The following TRHDE variants were observed in gnomAD, a reference collection of about 807,000 sequenced individuals.
TRHDE encodes the protein thyrotropin-releasing hormone-degrading ectoenzyme.
A neutral mutation model predicts 125.7 loss-of-function variants in TRHDE; 72 were observed. The ratio of observed to expected loss-of-function variants is 0.57; its 90% CI spans 0.47 to 0.70. The LOEUF (loss-of-function observed/expected upper bound fraction) is 0.70, where lower values mean the gene tolerates loss of function less well. Ranked by LOEUF, TRHDE falls within the 30% of genes least tolerant of loss-of-function variation. The pLI, the probability that TRHDE is intolerant of heterozygous loss-of-function variation, is 0.00. For missense variants in TRHDE, 1,110 were observed against 1,327.1 expected (o/e 0.84, Z 2.54); for synonymous variants, 509 against 509.1 (o/e 1.00, Z 0.00).
At chr12:72,318,137 A>AG (rs894079804) in intron 2 of TRHDE, among the ~76,000 whole-genome samples, 1 of 152,172 alleles carries the variant, frequency 6.6e-6, no homozygotes, top group African/African-American at 2.4e-5. Context: ...TGCTTCAATG[A>AG]GGGAAAAATA....
chr12:72,270,430 G>A (rs1268584564), upstream of TRHDE, among the ~76,000 whole-genome samples: 1 of 151,320 alleles, frequency 6.6e-6, no homozygotes, highest in Non-Finnish European at 1.5e-5. Context: ...GTTTTTAGTG[G>A]TTATCAAGCT....
intron 2 of TRHDE, among the ~76,000 whole-genome samples, chr12:72,361,060 A>G (rs1019067846): frequency 6.6e-6 from 1 of 151,768 alleles, no homozygotes; most frequent in Non-Finnish European, 1.5e-5. Context: ...GCTCCCACTT[A>G]TAAGTGAGAA....
intron 2 of TRHDE, among the ~76,000 whole-genome samples, chr12:72,331,241 ATG>A (rs984011762): frequency 6.6e-6 from 1 of 152,214 alleles, no homozygotes; most frequent in Non-Finnish European, 1.5e-5. Flanking sequence ...CGGGATTTGA[ATG>A]TAAGTGTTGA....
chr12:72,324,841 A>G (rs978362524), intron 2 of TRHDE, among the ~76,000 whole-genome samples: 1 of 152,154 alleles, frequency 6.6e-6, no homozygotes, highest in African/African-American at 2.4e-5. Flanking sequence ...GTATGATTTT[A>G]TAGAACTCCT....
chr12:72,379,151 G>T (rs371052952), intron 3 of TRHDE, among the ~76,000 whole-genome samples: 1 of 152,270 alleles, frequency 6.6e-6, no homozygotes, highest in South Asian at 2.1e-4. Flanking sequence ...GAACCAGGCC[G>T]CTTTCATTAA....
At chr12:72,534,032 T>A (rs1868718915) in intron 6 of TRHDE, among the ~76,000 whole-genome samples, 1 of 152,014 alleles carries the variant, frequency 6.6e-6, no homozygotes, top group Admixed American at 6.6e-5. Context: ...AGTACCTGGG[T>A]ATAGGCTGCA....
intron 3 of TRHDE, among the ~76,000 whole-genome samples, chr12:72,391,784 C>A (rs1872620087): frequency 6.6e-6 from 1 of 152,062 alleles, no homozygotes; most frequent in Admixed American, 6.6e-5. Flanking sequence ...AGCCAAACTT[C>A]TCTAGTGGAC....
intron 7 of TRHDE, among the ~76,000 whole-genome samples, chr12:72,545,918 C>A (rs772134738): frequency 2.6e-5 from 4 of 151,482 alleles, no homozygotes; most frequent in Non-Finnish European, 5.9e-5. Context: ...CTCTTGAAAT[C>A]TGGTGAAACC....
chr12:72,448,750 A>T (rs1875425747), intron 3 of TRHDE, among the ~76,000 whole-genome samples: 1 of 151,878 alleles, frequency 6.6e-6, no homozygotes, highest in African/African-American at 2.4e-5. Context: ...CAATTTAGGA[A>T]AAAAAAATGA....
intron 2 of TRHDE, among the ~76,000 whole-genome samples, chr12:72,211,288 G>A (rs1447760118): frequency 1.3e-5 from 2 of 152,138 alleles, no homozygotes; most frequent in African/African-American, 4.8e-5. Flanking sequence ...TGAGGATGAA[G>A]GGCTTCATAG....
At chr12:72,146,214 G>A (rs76553028) in intron 2 of TRHDE, among the ~76,000 whole-genome samples, 5,195 of 152,188 alleles carry the variant, frequency 0.034, 146 homozygotes, top group African/African-American at 0.082. Flanking sequence ...TAAATTCTTT[G>A]TCTTGTTTAA....
At chr12:72,513,560 G>C (rs1303750000) in intron 6 of TRHDE, among the ~76,000 whole-genome samples, 1 of 152,032 alleles carries the variant, frequency 6.6e-6, no homozygotes, top group Non-Finnish European at 1.5e-5. Context: ...TATTTCCTAG[G>C]AGAACCAAAA....
chr12:72,184,352 T>C (rs1016927111), intron 2 of TRHDE, among the ~76,000 whole-genome samples: 1 of 152,098 alleles, frequency 6.6e-6, no homozygotes, highest in East Asian at 1.9e-4. Context: ...AGCAAGATGA[T>C]TACAGAGAAG....
At chr12:72,307,964 G>T (rs1028851694) in intron 2 of TRHDE, among the ~76,000 whole-genome samples, 1 of 152,122 alleles carries the variant, frequency 6.6e-6, no homozygotes, top group Non-Finnish European at 1.5e-5. Context: ...GTTAAGGTAG[G>T]ATTTTTTTTT....
intron 18 of TRHDE, among the ~76,000 whole-genome samples, 165 bp downstream of exon 18, chr12:72,657,173 CAA>C (rs971808004): frequency 6.6e-6 from 1 of 151,980 alleles, no homozygotes; most frequent in African/African-American, 2.4e-5. Context: ...TCATAATTTG[CAA>C]AGAGTATTTT....
intron 1 of TRHDE, among the ~76,000 whole-genome samples, chr12:72,098,272 T>C (rs1244027549): frequency 1.3e-5 from 2 of 152,168 alleles, no homozygotes; most frequent in African/African-American, 4.8e-5. Flanking sequence ...TACATGAAGT[T>C]ATAAGGAATA....
chr12:72,328,608 T>C (rs1869446223), intron 2 of TRHDE, among the ~76,000 whole-genome samples: 1 of 152,134 alleles, frequency 6.6e-6, no homozygotes, highest in African/African-American at 2.4e-5. Context: ...GATTTTAGTG[T>C]ATTTTTGCCA....
intron 7 of TRHDE, among the ~76,000 whole-genome samples, chr12:72,546,865 T>C (rs1277871776): frequency 6.6e-6 from 1 of 151,700 alleles, no homozygotes. Context: ...TACCCCTGCC[T>C]TCTGACAAAG....
chr12:72,341,117 T>C (rs868192248), intron 2 of TRHDE, among the ~76,000 whole-genome samples: 1 of 151,340 alleles, frequency 6.6e-6, no homozygotes, highest in Non-Finnish European at 1.5e-5. Context: ...TTCTATTCTA[T>C]CAGGCTTTCC....
Sources: gnomAD v4.1 joint callset for allele counts (sites outside exome capture counted in the v4.1 genomes callset) on GRCh38, gnomAD v4.1.1 for gene constraint, MANE v1.5 for transcripts, NCBI Gene and HGNC (gene_info 2026-07-23, HGNC 2026-07-21) for gene names.